The following B3GNT3 variants were observed in gnomAD, a reference collection of about 807,000 sequenced individuals.
The protein encoded by B3GNT3 is N-acetyllactosaminide beta-1,3-N-acetylglucosaminyltransferase 3.
A neutral mutation model predicts 11.6 loss-of-function variants in B3GNT3; 7 were observed. That is an observed-to-expected ratio of 0.60 (90% CI 0.34 to 1.13). B3GNT3 has a LOEUF of 1.13. Ranked by LOEUF, B3GNT3 falls within the 50% of genes most tolerant of loss-of-function variation. B3GNT3 has a pLI of 0.03. For missense variants in B3GNT3, 400 were observed against 507.4 expected (o/e 0.79, Z 2.03); for synonymous variants, 201 against 222.1 (o/e 0.90, Z 0.85).
chr19:17,812,178 C>A lies in B3GNT3; in HGVS notation c.*56C>A. ...CCTGTTTCCATAGGAAGGGGCGACA[C>A]CTTCCTCCCAGGAAGCTGAGACCTT... On this transcript the variant is annotated 3_prime_UTR_variant, in exon 3 of 3. Transcript: ENST00000318683. The A allele has an allele frequency of 4.6e-6, 7 of 1,505,428 alleles. No homozygotes were observed. The highest frequency in any genetic ancestry group is 6.2e-6 in the Non-Finnish European group (7 of 1,134,966). The allele number at this position is 1,505,428 out of a possible 1,614,324, so 93.3% of individuals were successfully genotyped here. A position where few individuals can be genotyped will look rare whatever the true frequency, so the allele number is the denominator to read the frequency against.
chr19:17,809,965 T>A (rs1599850093), intron 2 of B3GNT3, among the ~76,000 whole-genome samples: 1 of 152,226 alleles, frequency 6.6e-6, no homozygotes, highest in South Asian at 2.1e-4. Flanking sequence ...GGTAGCTGTT[T>A]CTCTGCGGGT....
At chr19:17,807,372 A>G (rs2094174436) in intron 1 of B3GNT3, among the ~76,000 whole-genome samples, 1 of 151,030 alleles carries the variant, frequency 6.6e-6, no homozygotes, top group African/African-American at 2.4e-5. Flanking sequence ...CACACCTGTA[A>G]TCCCAGCTAC....
At chr19:17,809,901 C>T (rs1481310667) in intron 2 of B3GNT3, among the ~76,000 whole-genome samples, 1 of 152,110 alleles carries the variant, frequency 6.6e-6, no homozygotes, top group East Asian at 1.9e-4. Flanking sequence ...GAACAGGGAA[C>T]TCTGCAGGTT....
intron 1 of B3GNT3, among the ~76,000 whole-genome samples, chr19:17,796,919 G>C (rs10420501): frequency 0.088 from 13,454 of 152,090 alleles, 1,946 homozygotes; most frequent in African/African-American, 0.31. Context: ...CCATGAGCCA[G>C]GGAGGATGCC....
At position 17,795,727 on chromosome 19, in the gene B3GNT3, C is replaced by T. The variant is rs1455166815; in HGVS notation, c.-51+521C>T. On this transcript the variant is annotated intron_variant, in intron 1 of 2. Transcript: ENST00000318683. ...GCGTGGCATGGACACATTGCTGAACCGGCCTCAGTTTCCCCTCCGTGAGGT... is the reference window on the plus strand; with the variant it reads ...GCGTGGCATGGACACATTGCTGAACTGGCCTCAGTTTCCCCTCCGTGAGGT... 5.3e-5 allele frequency among the ~76,000 whole-genome samples: 8 copies of T among 152,154 alleles called. No individual in the cohort carries two copies. In the South Asian group the frequency reaches 8.3e-4, roughly 16 times the overall value.
At position 17,797,620 on chromosome 19, in the gene B3GNT3, C is replaced by CGG. The variant is rs1275007192; in HGVS notation, c.-51+2414_-51+2415insGG. 4.0e-3 allele frequency among the ~76,000 whole-genome samples: 604 copies of CGG among 152,178 alleles called. 7 individuals are homozygous for CGG. The highest frequency in any genetic ancestry group is 0.012 in the African/African-American group (517 of 41,514). On this transcript the variant is annotated intron_variant, in intron 1 of 2. Coordinates refer to ENST00000318683, the MANE Select transcript of B3GNT3 (RefSeq NM_014256.4). ...CATGGATGACATACAATTAGTCATC[C>CGG]ATGACAGAGCCTCGGGACCTAGAAA...
At position 17,811,372 on chromosome 19, in the gene B3GNT3, A is replaced by C. The variant is rs904648326; in HGVS notation, c.568-199A>C. 2.0e-5 allele frequency among the ~76,000 whole-genome samples: 3 copies of C among 152,220 alleles called. No individual in the cohort carries two copies. Among genetic ancestry groups the C allele is most frequent in the African/African-American group, 7.2e-5 (3 of 41,456 alleles). On this transcript the variant is annotated intron_variant, in intron 2 of 2. Transcript: ENST00000318683. The surrounding 1 kb of genome is among the most constrained non-coding windows in gnomAD (Gnocchi z 4.1). ...TGGATTCCCCAACACTCCTAGAGGC[A>C]CATGATAAGGCCTGTTTGGAGAGTT...
At chr19:17,799,449 T>C (rs1212563597) in intron 1 of B3GNT3, among the ~76,000 whole-genome samples, 2 of 151,910 alleles carry the variant, frequency 1.3e-5, no homozygotes, top group African/African-American at 2.4e-5. Context: ...TTTGTATTTT[T>C]AGTAGAAATG....
At chr19:17,805,917 C>T (rs2094172463) in intron 1 of B3GNT3, among the ~76,000 whole-genome samples, 1 of 152,042 alleles carries the variant, frequency 6.6e-6, no homozygotes, top group African/African-American at 2.4e-5. Context: ...CCCACCTCAG[C>T]CTCCCAAGTA....
intron 1 of B3GNT3, among the ~76,000 whole-genome samples, chr19:17,801,651 T>G (rs2094166358): frequency 6.6e-6 from 1 of 151,574 alleles, no homozygotes. Flanking sequence ...ACCTGGCTAA[T>G]TTTTACACTT....
chr19:17,796,499 C>A (rs2094159687), intron 1 of B3GNT3, among the ~76,000 whole-genome samples: 1 of 152,204 alleles, frequency 6.6e-6, no homozygotes, highest in South Asian at 2.1e-4. Flanking sequence ...CATGGGAAGC[C>A]ACCTGGCCGT....
intron 2 of B3GNT3, 65 bp downstream of exon 2, chr19:17,808,439 C>T (rs2094176626): frequency 1.3e-6 from 2 of 1,482,460 alleles, no homozygotes; most frequent in East Asian, 2.3e-5. Flanking sequence ...ACCACCCACT[C>T]CTGAGGGACC....
Position 17,811,233 on chromosome 19 carries a change from A to T in B3GNT3, c.568-338A>T, listed in dbSNP as rs77153256. Among the ~76,000 whole-genome samples the T allele has an allele frequency of 6.8e-3, 1,035 of 152,304 alleles. 8 individuals are homozygous for T. Among genetic ancestry groups the T allele is most frequent in the African/African-American group, 0.024 (1,002 of 41,564 alleles). On this transcript the variant is annotated intron_variant, in intron 2 of 2. Coordinates refer to ENST00000318683, the MANE Select transcript of B3GNT3 (RefSeq NM_014256.4). This position sits in a 1 kb window ranked among gnomAD's most constrained non-coding sequence, Gnocchi z 4.1. ...TGTCTCAGAAACAAACAAAATTCAT[A>T]CAAATGATTATTTAACAACAGGGCT...
chr19:17,806,827 C>T (rs2147651552), intron 1 of B3GNT3, among the ~76,000 whole-genome samples: 1 of 151,828 alleles, frequency 6.6e-6, no homozygotes, highest in South Asian at 2.1e-4. Flanking sequence ...TGGCGCGTGC[C>T]TGTAGTCCCA....
chr19:17,807,662 C>T (rs1040987871), intron 1 of B3GNT3, 96 bp from the exon 2 acceptor site: 3 of 763,560 alleles, frequency 3.9e-6, no homozygotes, highest in Non-Finnish European at 6.2e-6. Context: ...AATATTTTGC[C>T]AACCTGAGCA....
rs2147656009 is a variant in B3GNT3 at position 17,811,583 on chromosome 19, C to T, written c.580C>T (p.Gln194Ter). Reference protein sequence around the residue: ...NLTLKQVLFLQWQETRCANAS... With the variant: ...NLTLKQVLFL Reference sequence around the variant, plus strand: ...ACCCTGCCTGCAGGTCCTGTTCTTACAGTGGCAGGAGACAAGGTGCGCCAA... The same window carrying T: ...ACCCTGCCTGCAGGTCCTGTTCTTATAGTGGCAGGAGACAAGGTGCGCCAA... The change falls in exon 3 of 3, where the codon CAG becomes TAG. Residue 194 changes from glutamine (Q) to a stop codon, truncating the protein, a stop_gained. Coordinates refer to ENST00000318683, the MANE Select transcript of B3GNT3 (RefSeq NM_014256.4). LOFTEE classifies it low-confidence loss of function (END_TRUNC). The surrounding 1 kb of genome is among the most constrained non-coding windows in gnomAD (Gnocchi z 4.1). 6.2e-7 allele frequency: 1 copy of T among 1,611,308 alleles called. No individual in the cohort carries two copies. Among genetic ancestry groups the T allele is most frequent in the Middle Eastern group, 1.7e-4 (1 of 6,040 alleles).
chr19:17,806,167 G>C (rs1263827943), intron 1 of B3GNT3, among the ~76,000 whole-genome samples: 1 of 150,034 alleles, frequency 6.7e-6, no homozygotes, highest in Non-Finnish European at 1.5e-5. Context: ...TTTTTGTAGA[G>C]AGTGGGTTTC....
intron 1 of B3GNT3, among the ~76,000 whole-genome samples, chr19:17,804,188 C>G (rs1263222334): frequency 6.7e-6 from 1 of 150,182 alleles, no homozygotes; most frequent in African/African-American, 2.4e-5. Flanking sequence ...ACATTGATGA[C>G]TTTCTTCATC....
At chr19:17,798,222 T>A (rs2094161696) in intron 1 of B3GNT3, among the ~76,000 whole-genome samples, 1 of 152,180 alleles carries the variant, frequency 6.6e-6, no homozygotes, top group Non-Finnish European at 1.5e-5. Context: ...CCCCTGTTAG[T>A]GGTGTATCAG....
Sources: gnomAD v4.1 joint callset for allele counts (sites outside exome capture counted in the v4.1 genomes callset) on GRCh38, gnomAD v4.1.1 for gene constraint, Gnocchi (gnomAD v3.1) non-coding constraint, MANE v1.5 for transcripts, NCBI Gene and HGNC (gene_info 2026-07-23, HGNC 2026-07-21) for gene names.